The following RXFP1 variants were observed in gnomAD, a reference collection of about 807,000 sequenced individuals.
RXFP1 encodes relaxin family peptide receptor 1.
In RXFP1, 73 loss-of-function variants were observed where a neutral mutation model predicts 89.8. That is an observed-to-expected ratio of 0.81 (90% CI 0.67 to 0.99). The LOEUF is 0.99. Ranked by LOEUF, RXFP1 falls within the 50% of genes least tolerant of loss-of-function variation. The probability of loss-of-function intolerance (pLI) is 0.00; values close to 1 mark genes in which losing one functional copy is unlikely to be tolerated. For missense variants in RXFP1, 793 were observed against 895.5 expected (o/e 0.89, Z 1.46); for synonymous variants, 277 against 305.5 (o/e 0.91, Z 0.97).
intron 17 of RXFP1, among the ~76,000 whole-genome samples, chr4:158,649,035 C>T (rs1772110691): frequency 6.6e-6 from 1 of 152,120 alleles, no homozygotes; most frequent in Non-Finnish European, 1.5e-5. Flanking sequence ...ATTGCTTGAA[C>T]TCAGGAGGCA....
At chr4:158,609,651 A>T (rs1054725143) in intron 6 of RXFP1, among the ~76,000 whole-genome samples, 2 of 152,170 alleles carry the variant, frequency 1.3e-5, no homozygotes, top group Non-Finnish European at 2.9e-5. Context: ...CTAGTAATTT[A>T]CTAGCAAAAT....
At chr4:158,525,502 A>G (rs73860507) in intron 1 of RXFP1, among the ~76,000 whole-genome samples, 3,910 of 152,342 alleles carry the variant, frequency 0.026, 162 homozygotes, top group African/African-American at 0.087. Flanking sequence ...TATTATGTTT[A>G]TGAACTAAAT....
intron 1 of RXFP1, among the ~76,000 whole-genome samples, chr4:158,542,109 A>ATATATATATATATATTTTTTTT: frequency 5.1e-4 from 18 of 35,228 alleles, no homozygotes; most frequent in Non-Finnish European, 6.7e-4. Flanking sequence ...ATATATATAT[A>ATATATATATATATATTTTTTTT]TTTTTTTTTT....
At chr4:158,638,715 T>C (rs1378430192) in intron 13 of RXFP1, among the ~76,000 whole-genome samples, 1 of 151,032 alleles carries the variant, frequency 6.6e-6, no homozygotes, top group Non-Finnish European at 1.5e-5. Flanking sequence ...CTTGGGAGGC[T>C]GAGGTGGGAA....
chr4:158,585,158 A>T (rs1258918268), intron 2 of RXFP1, among the ~76,000 whole-genome samples: 1 of 152,240 alleles, frequency 6.6e-6, no homozygotes, highest in African/African-American at 2.4e-5. Flanking sequence ...AAACATTTTC[A>T]AAATGTACTA....
chr4:158,585,460 G>A (rs1758108818), intron 2 of RXFP1, among the ~76,000 whole-genome samples: 2 of 152,264 alleles, frequency 1.3e-5, no homozygotes, highest in South Asian at 4.1e-4. Flanking sequence ...AGTGCCAGGG[G>A]AATCTAACAA....
intron 4 of RXFP1, 21 bp from the exon 5 acceptor site, chr4:158,605,047 C>G (rs1457037330): frequency 7.0e-7 from 1 of 1,431,766 alleles, no homozygotes; most frequent in African/African-American, 1.4e-5. Context: ...CTTTAAGAAT[C>G]AAAATTTACA....
chr4:158,607,064 A>G (rs1015594014), intron 5 of RXFP1: 10 of 1,535,824 alleles, frequency 6.5e-6, no homozygotes, highest in Non-Finnish European at 8.7e-6. Context: ...CTAAAGAACA[A>G]TGGTGACCTG....
intron 1 of RXFP1, among the ~76,000 whole-genome samples, chr4:158,532,859 C>T (rs1744394283): frequency 6.6e-6 from 1 of 152,210 alleles, no homozygotes; most frequent in African/African-American, 2.4e-5. Flanking sequence ...GACCCTGCTT[C>T]TCCTAGAGAT....
At chr4:158,629,125 A>G (rs1767531557) in intron 11 of RXFP1, among the ~76,000 whole-genome samples, 1 of 151,726 alleles carries the variant, frequency 6.6e-6, no homozygotes, top group Non-Finnish European at 1.5e-5. Context: ...ACCTCGGCTC[A>G]CTGCAACCTC....
At chr4:158,578,268 T>C (rs890290323) in intron 2 of RXFP1, among the ~76,000 whole-genome samples, 2 of 152,214 alleles carry the variant, frequency 1.3e-5, no homozygotes, top group Non-Finnish European at 2.9e-5. Flanking sequence ...TCTTCATCTC[T>C]GCTCAGAACT....
At chr4:158,531,088 G>A (rs1003631655) in intron 1 of RXFP1, among the ~76,000 whole-genome samples, 2 of 152,164 alleles carry the variant, frequency 1.3e-5, no homozygotes, top group South Asian at 2.1e-4. Flanking sequence ...CCAGGCTTGA[G>A]TGCAGTGATG....
chr4:158,648,999 A>G (rs948165375), intron 17 of RXFP1, among the ~76,000 whole-genome samples: 1 of 152,112 alleles, frequency 6.6e-6, no homozygotes, highest in Non-Finnish European at 1.5e-5. Flanking sequence ...TGCAGTCCCA[A>G]CTACTCAGGA....
intron 1 of RXFP1, among the ~76,000 whole-genome samples, chr4:158,530,702 A>G (rs1743816249): frequency 1.3e-5 from 2 of 152,216 alleles, no homozygotes; most frequent in African/African-American, 2.4e-5. Flanking sequence ...AGCAAAGTCA[A>G]ATTTAGATTT....
intron 1 of RXFP1, among the ~76,000 whole-genome samples, chr4:158,558,146 T>C (rs1017918965): frequency 6.6e-6 from 1 of 152,246 alleles, no homozygotes; most frequent in East Asian, 1.9e-4. Flanking sequence ...AAGGAACTTG[T>C]TCTCACCTTT....
rs1347634562 is a variant in RXFP1 at position 158,541,928 on chromosome 4, TTG to T, written c.49+19905_49+19906del. On this transcript the variant is annotated intron_variant, in intron 1 of 17. Coordinates refer to ENST00000307765, the MANE Select transcript of RXFP1 (RefSeq NM_021634.4). ...GGAATGATGCTTTTCTTTTTTGTTT[TTG>T]TTTTTTTGAGATGGAATCTCACTCT... is the stretch of plus-strand genomic sequence containing the variant. Among the ~76,000 whole-genome samples, 41 of 151,122 alleles carry T rather than the reference TTG, an allele frequency of 2.7e-4. No individual in the cohort carries two copies. The Admixed American group carries it at 2.7e-3, about 10-fold the overall frequency.
At chr4:158,616,798 A>T (rs1764668027) in intron 8 of RXFP1, among the ~76,000 whole-genome samples, 1 of 151,654 alleles carries the variant, frequency 6.6e-6, no homozygotes, top group Non-Finnish European at 1.5e-5. Context: ...CAAGAGTTTG[A>T]GACCAGCCTG....
intron 2 of RXFP1, among the ~76,000 whole-genome samples, chr4:158,578,309 CA>C (rs566016792): frequency 3.4e-4 from 52 of 152,120 alleles, no homozygotes; most frequent in African/African-American, 1.2e-3. Context: ...GCATAAGGAC[CA>C]AAAAAATTTT....
At chr4:158,639,148 GAGTA>G (rs1276626004) in intron 13 of RXFP1, 108 bp from the exon 14 acceptor site, 5 of 629,250 alleles carry the variant, frequency 7.9e-6, no homozygotes, top group Admixed American at 2.7e-5. Context: ...ATTTTGTTCA[GAGTA>G]AGTGTTAACT....
Sources: allele counts gnomAD v4.1 joint callset (sites outside exome capture counted in the v4.1 genomes callset), GRCh38; gene constraint gnomAD v4.1.1; transcripts MANE v1.5; gene names NCBI Gene and HGNC (gene_info 2026-07-23, HGNC 2026-07-21).